Variants in GRIN2B observed in about 807,000 individuals in gnomAD.
The protein encoded by GRIN2B is glutamate ionotropic receptor NMDA type subunit 2B.
A neutral mutation model predicts 114.5 loss-of-function variants in GRIN2B; 5 were observed. The observed-to-expected ratio is 0.04, with a 90% CI of 0.02 to 0.09. The LOEUF (loss-of-function observed/expected upper bound fraction) is 0.09. Among genes scored for constraint, GRIN2B ranks in the 10% least tolerant of loss-of-function variants. The pLI is 1.00. For synonymous variants in GRIN2B, 787 were observed against 745.1 expected (o/e 1.06, Z -0.92); for missense variants, 1,108 against 1,943.5 (o/e 0.57, Z 8.08).
chr12:13,959,218 G>A (rs1050613699), intron 2 of GRIN2B, among the ~76,000 whole-genome samples: 25 of 152,268 alleles, frequency 1.6e-4, no homozygotes, highest in African/African-American at 6.0e-4. Context: ...AGGAGAGAAG[G>A]AGGCTTTCCA....
At chr12:13,692,760 C>CTTTTTTTTTTTTTTTTTTTTTTT (rs71067718) in intron 4 of GRIN2B, among the ~76,000 whole-genome samples, 1 of 52,132 alleles carries the variant, frequency 1.9e-5, no homozygotes, top group Non-Finnish European at 3.6e-5. Context: ...TCTTTCTTTT[C>CTTTTTTTTTTTTTTTTTTTTTTT]TTTTTTTTTT....
intron 2 of GRIN2B, among the ~76,000 whole-genome samples, chr12:13,934,589 C>G (rs1249027861): frequency 6.6e-6 from 1 of 152,194 alleles, no homozygotes; most frequent in Non-Finnish European, 1.5e-5. Flanking sequence ...TCTTCCTACC[C>G]CAGGTTGATA....
At chr12:13,661,753 C>A (rs1284188562) in intron 5 of GRIN2B, among the ~76,000 whole-genome samples, 1 of 152,174 alleles carries the variant, frequency 6.6e-6, no homozygotes, top group Non-Finnish European at 1.5e-5. Context: ...CCAAAGGCGG[C>A]CCCGCAGAAT....
intron 2 of GRIN2B, among the ~76,000 whole-genome samples, chr12:13,966,865 T>A (rs997029072): frequency 6.6e-6 from 1 of 152,158 alleles, no homozygotes; most frequent in Non-Finnish European, 1.5e-5. Flanking sequence ...AATCTGATAG[T>A]ACAGAGAAAT....
chr12:13,940,513 G>A (rs187530003), intron 2 of GRIN2B, among the ~76,000 whole-genome samples: 42 of 152,144 alleles, frequency 2.8e-4, no homozygotes, highest in Non-Finnish European at 4.3e-4. Flanking sequence ...GACGAAGTGG[G>A]AGAAAAGATT....
At chr12:13,738,134 C>G (rs1171559064) in intron 4 of GRIN2B, among the ~76,000 whole-genome samples, 1 of 73,542 alleles carries the variant, frequency 1.4e-5, no homozygotes, top group Admixed American at 1.8e-4. Flanking sequence ...TCTTTTCTTA[C>G]CTTGGCACTT....
rs558381164 is a variant in GRIN2B, at chr12:13,948,301, T to G, written c.-19+31627A>C. Among the ~76,000 whole-genome samples, 42 of 152,254 alleles carry G rather than the reference T, an allele frequency of 2.8e-4. No homozygotes were observed. In the South Asian group the frequency reaches 8.5e-3, roughly 31 times the overall value. ...GATCAATCCAACCCTGCCCCATATG[T>G]TTAAATGCTAAATTCAAAAATGGGC... On this transcript the variant is annotated intron_variant, in intron 2 of 13. Coordinates refer to ENST00000609686, the MANE Select transcript of GRIN2B (RefSeq NM_000834.5).
intron 5 of GRIN2B, among the ~76,000 whole-genome samples, chr12:13,644,542 C>G (rs1458115217): frequency 6.6e-6 from 1 of 152,146 alleles, no homozygotes; most frequent in Non-Finnish European, 1.5e-5. Context: ...GCATTAGTCC[C>G]TAACAGGAGA....
chr12:13,721,808 C>T (rs1476989430), intron 4 of GRIN2B, among the ~76,000 whole-genome samples: 1 of 151,812 alleles, frequency 6.6e-6, no homozygotes, highest in East Asian at 1.9e-4. Flanking sequence ...GTAAATTCAA[C>T]AAATAAATAA....
intron 2 of GRIN2B, among the ~76,000 whole-genome samples, chr12:13,917,805 A>C (rs1307330903): frequency 4.6e-5 from 7 of 152,262 alleles, no homozygotes; most frequent in Non-Finnish European, 1.0e-4. Context: ...TCTCACTTTA[A>C]GTGGCAATTT....
At chr12:13,946,864 C>T (rs188854632) in intron 2 of GRIN2B, among the ~76,000 whole-genome samples, 221 of 152,212 alleles carry the variant, frequency 1.5e-3, no homozygotes, top group African/African-American at 5.2e-3. Flanking sequence ...GTCTATGGTT[C>T]TTGATGAAAG....
At chr12:13,804,979 A>G (rs1864576727) in intron 3 of GRIN2B, among the ~76,000 whole-genome samples, 2 of 152,314 alleles carry the variant, frequency 1.3e-5, no homozygotes, top group East Asian at 1.9e-4. Flanking sequence ...TTCCCCTGTC[A>G]TATTCGCAAT....
At chr12:13,610,625 C>G (rs1196234709) in intron 9 of GRIN2B, among the ~76,000 whole-genome samples, 3 of 152,150 alleles carry the variant, frequency 2.0e-5, no homozygotes, top group African/African-American at 7.2e-5. Flanking sequence ...GGAAATACTT[C>G]AGTAAAGTGT....
chr12:13,855,065 A>AAAAAAAAAAAAAAAAC (rs1865637016), intron 3 of GRIN2B, among the ~76,000 whole-genome samples: 1 of 150,914 alleles, frequency 6.6e-6, no homozygotes, highest in Non-Finnish European at 1.5e-5. Flanking sequence ...AAAAAAAAAA[A>AAAAAAAAAAAAAAAAC]AAAATTGCCT....
At chr12:13,707,194 G>A (rs1023323576) in intron 4 of GRIN2B, among the ~76,000 whole-genome samples, 2 of 151,954 alleles carry the variant, frequency 1.3e-5, no homozygotes, top group South Asian at 2.1e-4. Context: ...ATTAATGAAG[G>A]CCTTGTAGTC....
chr12:13,585,984 G>A (rs1199993783), intron 10 of GRIN2B, among the ~76,000 whole-genome samples: 1 of 152,150 alleles, frequency 6.6e-6, no homozygotes, highest in Non-Finnish European at 1.5e-5. Context: ...TGTCCTTAAT[G>A]GACCTCCAAT....
intron 4 of GRIN2B, among the ~76,000 whole-genome samples, chr12:13,721,979 G>C (rs565394492): frequency 3.9e-5 from 6 of 152,170 alleles, no homozygotes; most frequent in African/African-American, 1.4e-4. Flanking sequence ...TTTCAGTAAG[G>C]AATCTGTCAT....
chr12:13,888,437 A>G (rs531429098), intron 2 of GRIN2B, among the ~76,000 whole-genome samples: 1,053 of 5,172 alleles, frequency 0.2, 19 homozygotes, highest in African/African-American at 0.46. Context: ...CATAAAAGAT[A>G]AAAAAAAAAA....
chr12:13,576,004 A>T (rs1591614926), intron 10 of GRIN2B, among the ~76,000 whole-genome samples: 1 of 152,312 alleles, frequency 6.6e-6, no homozygotes, highest in Non-Finnish European at 1.5e-5. Flanking sequence ...AAGTTTGAAA[A>T]TTCTTATTCT....
Sources: allele counts gnomAD v4.1 joint callset (sites outside exome capture counted in the v4.1 genomes callset), GRCh38; gene constraint gnomAD v4.1.1; transcripts MANE v1.5; gene names NCBI Gene and HGNC (gene_info 2026-07-23, HGNC 2026-07-21).